The following IDO1 variants were observed in gnomAD, a reference collection of about 807,000 sequenced individuals.
IDO1 encodes indoleamine 2,3-dioxygenase 1.
Under a neutral mutation model 38.8 loss-of-function variants are expected in IDO1, and 35 were observed. That is an observed-to-expected ratio of 0.90 (90% CI 0.69 to 1.20). The LOEUF is 1.20. Ranked by LOEUF, IDO1 falls within the 50% of genes most tolerant of loss-of-function variation. The pLI is 0.00. For synonymous variants in IDO1, 171 were observed against 170.0 expected (o/e 1.01, Z -0.05); for missense variants, 509 against 485.1 (o/e 1.05, Z -0.46).
intron 1 of IDO1, among the ~76,000 whole-genome samples, chr8:39,914,724 T>G (rs946903129): frequency 3.5e-4 from 53 of 152,316 alleles, no homozygotes; most frequent in Middle Eastern, 3.4e-3. Flanking sequence ...ACCCTTTCCA[T>G]TCTCATAGCC....
chr8:39,921,873 A>C (rs548982202), intron 5 of IDO1, among the ~76,000 whole-genome samples: 1 of 152,374 alleles, frequency 6.6e-6, no homozygotes, highest in African/African-American at 2.4e-5. Flanking sequence ...GAATATAATT[A>C]TTTAAACAAA....
At chr8:39,926,079 C>T (rs1807355228) in intron 9 of IDO1, among the ~76,000 whole-genome samples, 1 of 151,804 alleles carries the variant, frequency 6.6e-6, no homozygotes, top group African/African-American at 2.4e-5. Flanking sequence ...CCCAGCTACT[C>T]GGGAGACTGA....
At position 39,918,248 on chromosome 8, in the gene IDO1, T is replaced by C; in HGVS notation, c.303+41T>C. On this transcript the variant is annotated intron_variant, in intron 3 of 9. Transcript: ENST00000518237. ...CAGATTTCTTATGCTATGTGACAGA[T>C]TTTCATCTAATTTACATTTAACTTT... is the stretch of plus-strand genomic sequence containing the variant. 4 of 1,583,794 alleles carry C rather than the reference T, an allele frequency of 2.5e-6. No individual in the cohort carries two copies. The South Asian group carries it at 4.5e-5, about 18-fold the overall frequency.
Position 39,918,145 on chromosome 8 carries a change from C to T in IDO1, c.241C>T (p.Leu81=). Residue 81 remains leucine, a synonymous_variant, in exon 3 of 10, where the codon CTA becomes TTA. Transcript: ENST00000518237. ...CCACAAGTCACAGCGCCTTGCACGT[C>T]TAGTTCTGGGATGCATCACCATGGC... ...TDHKSQRLAR[L]VLGCITMAYV... 6.2e-7 allele frequency: 1 copy of T among 1,613,940 alleles called. No individual in the cohort carries two copies. Among genetic ancestry groups the T allele is most frequent in the Non-Finnish European group, 8.5e-7 (1 of 1,179,848 alleles).
chr8:39,924,760 T>TC lies in IDO1; in HGVS notation c.695_696insC (p.Tyr233IlefsTer18). 6.2e-7 allele frequency: 1 copy of TC among 1,608,930 alleles called. No homozygotes were observed. On this transcript the variant is annotated frameshift_variant, in exon 8 of 10. Transcript: ENST00000518237. LOFTEE classifies it high-confidence loss of function. ...AAAGCATTTTTCAGTGTTCTTCGCA[T>TC]ATATTTGTCTGGGTATGTAGTCTTA...
intron 4 of IDO1, among the ~76,000 whole-genome samples, chr8:39,919,729 A>G (rs1177211595): frequency 1.3e-5 from 2 of 152,184 alleles, no homozygotes; most frequent in East Asian, 3.8e-4. Flanking sequence ...GGTCCCAGCT[A>G]CACAGGGAGT....
chr8:39,920,001 G>A, intron 4 of IDO1, 99 bp from the exon 5 acceptor site: 1 of 1,014,482 alleles, frequency 9.9e-7, no homozygotes, highest in South Asian at 1.3e-5. Flanking sequence ...TCTGATAGTA[G>A]CATTCAATCA....
At chr8:39,919,108 T>C (rs1770453242) in intron 4 of IDO1, 175 bp downstream of exon 4, 5 of 738,220 alleles carry the variant, frequency 6.8e-6, no homozygotes, top group African/African-American at 5.1e-5. Context: ...CCACTACAAA[T>C]GTACACATAT....
Position 39,918,286 on chromosome 8 carries a change from T to C in IDO1, c.303+79T>C, listed in dbSNP as rs577412775. 142 of 1,490,864 alleles carry C rather than the reference T, an allele frequency of 9.5e-5. 1 individual carries two copies. In the African/African-American group the frequency reaches 1.8e-3, roughly 19 times the overall value. 92.4% of individuals were successfully genotyped at this position (1,490,864 alleles called of 1,614,324 possible). A position where few individuals can be genotyped will look rare whatever the true frequency, so the allele number is the denominator to read the frequency against. On this transcript the variant is annotated intron_variant, in intron 3 of 9. Coordinates refer to ENST00000518237, the MANE Select transcript of IDO1 (RefSeq NM_002164.6). ...TACATTTAACTTTCCAAAAATTTTC[T>C]AAAAGCATTATAACTGCATCATGCA...
At chr8:39,922,343 G>T (rs1031592301) in intron 5 of IDO1, among the ~76,000 whole-genome samples, 2 of 152,100 alleles carry the variant, frequency 1.3e-5, no homozygotes, top group Non-Finnish European at 2.9e-5. Flanking sequence ...TTAGGTCTCA[G>T]TTTAACCTAC....
At chr8:39,915,689 A>G (rs1468588410) in intron 1 of IDO1, 2 of 152,228 alleles carry the variant, frequency 1.3e-5, no homozygotes, top group Non-Finnish European at 2.9e-5. Flanking sequence ...TATCAATGGT[A>G]CAATAAAACC....
chr8:39,927,121 C>T (rs1807373387), intron 9 of IDO1, among the ~76,000 whole-genome samples: 1 of 152,138 alleles, frequency 6.6e-6, no homozygotes, highest in African/African-American at 2.4e-5. Context: ...CACCTGGGTT[C>T]ATTCCATGTC....
At chr8:39,927,767 C>T in intron 9 of IDO1, 63 bp from the exon 10 acceptor site, 1 of 1,076,034 alleles carries the variant, frequency 9.3e-7, no homozygotes, top group Non-Finnish European at 1.3e-6. Context: ...CTCACTCTGC[C>T]TTTCTCTCCT....
chr8:39,922,974 A>T (rs565414326), intron 6 of IDO1: 6 of 268,650 alleles, frequency 2.2e-5, no homozygotes, highest in African/African-American at 1.3e-4. Flanking sequence ...ATATACAACT[A>T]TATAAATATC....
chr8:39,925,257 G>A lies in IDO1; in HGVS notation c.742G>A (p.Val248Met). 1 of 1,612,242 alleles carries A rather than the reference G, an allele frequency of 6.2e-7. No individual in the cohort carries two copies. Among genetic ancestry groups the A allele is most frequent in the South Asian group, 1.1e-5 (1 of 90,818 alleles). The change falls in exon 9 of 10, where the codon GTG becomes ATG. Residue 248 changes from valine (V) to methionine (M), a missense_variant. Physicochemically the swap from Val to Met is conservative, Grantham distance 21 (BLOSUM62 1). Transcript: ENST00000518237. The stretch of plus-strand genomic sequence containing the variant: ...CAACCCCCAGCTATCAGACGGTCTG[G>A]TGTATGAAGGGTTCTGGGAAGACCC... ...KGNPQLSDGL[V>M]YEGFWEDPKE...
intron 5 of IDO1, chr8:39,920,586 G>A (rs1807256482): frequency 6.5e-6 from 1 of 152,678 alleles, no homozygotes; most frequent in African/African-American, 2.4e-5. Flanking sequence ...CCTGCACTTT[G>A]GGATGCCGAG....
rs771256577 is a variant in IDO1, at chr8:39,928,225, T to G, written c.*40T>G. 1.5e-6 allele frequency: 2 copies of G among 1,361,102 alleles called. No individual in the cohort carries two copies. The highest frequency in any genetic ancestry group is 2.0e-6 in the Non-Finnish European group (2 of 978,430). 84.3% of individuals were successfully genotyped at this position (1,361,102 alleles called of 1,614,324 possible). A position where few individuals can be genotyped will look rare whatever the true frequency, so the allele number is the denominator to read the frequency against. ...AGCACATTTTATCATAGCAGAGACA[T>G]CTGTATGCATTCCTGTCATTACCCA... On this transcript the variant is annotated 3_prime_UTR_variant, in exon 10 of 10. Coordinates refer to ENST00000518237, the MANE Select transcript of IDO1 (RefSeq NM_002164.6).
rs115833371 is a variant in IDO1 at position 39,922,570 on chromosome 8, C to A, written c.456C>A (p.Phe152Leu). The change falls in exon 6 of 10, where the codon TTC becomes TTA. Residue 152 changes from phenylalanine (F) to leucine (L), a missense_variant. Physicochemically the swap from Phe to Leu is conservative, Grantham distance 22. Coordinates refer to ENST00000518237, the MANE Select transcript of IDO1 (RefSeq NM_002164.6). ...TCCTCAGGAACATGGACGTTTTGTT[C>A]TCATTTCGTGATGGAGACTGCAGTA... ...PLTYENMDVL[F>L]SFRDGDCSKG... 26 of 1,612,264 alleles carry A rather than the reference C, an allele frequency of 1.6e-5. No individual in the cohort carries two copies. In the African/African-American group the frequency reaches 2.9e-4, roughly 18 times the overall value.
Position 39,918,132 on chromosome 8 carries a change from G to C in IDO1, c.228G>C (p.Gln76His). The part of the protein sequence containing the change: ...SIDHLTDHKS[Q>H]RLARLVLGCI... ...ATCATCTCACAGACCACAAGTCACAGCGCCTTGCACGTCTAGTTCTGGGAT... is the reference window on the plus strand; with the variant it reads ...ATCATCTCACAGACCACAAGTCACACCGCCTTGCACGTCTAGTTCTGGGAT... Residue 76 changes from glutamine to histidine, a missense_variant, in exon 3 of 10, where the codon CAG becomes CAC. Physicochemically the swap from Gln to His is conservative, Grantham distance 24. Coordinates refer to ENST00000518237, the MANE Select transcript of IDO1 (RefSeq NM_002164.6). 1 of 1,613,958 alleles carries C rather than the reference G, an allele frequency of 6.2e-7. No homozygotes were observed. Among genetic ancestry groups the C allele is most frequent in the Non-Finnish European group, 8.5e-7 (1 of 1,179,870 alleles).
Sources: gnomAD v4.1 joint callset for allele counts (sites outside exome capture counted in the v4.1 genomes callset) on GRCh38, gnomAD v4.1.1 for gene constraint, MANE v1.5 for transcripts, NCBI Gene and HGNC (gene_info 2026-07-23, HGNC 2026-07-21) for gene names.